The following UNC13B variants were observed in gnomAD, a reference collection of about 807,000 sequenced individuals.
UNC13B encodes the protein unc-13 homolog B.
In UNC13B, 144 loss-of-function variants were observed where a neutral mutation model predicts 211.0. The observed-to-expected ratio is 0.68, with a 90% CI of 0.60 to 0.78. The LOEUF is 0.78. Ranked by LOEUF, UNC13B falls within the 30% of genes least tolerant of loss-of-function variation. The probability of loss-of-function intolerance (pLI) is 0.00; values close to 1 mark genes in which losing one functional copy is unlikely to be tolerated. For synonymous variants in UNC13B, 709 were observed against 725.8 expected, an observed-to-expected ratio of 0.98 and a Z score of 0.37; for missense variants, 1,777 against 2,002.0, an observed-to-expected ratio of 0.89 and a Z score of 2.14.
chr9:35,175,655 G>C (rs1396462826), intron 1 of UNC13B, among the ~76,000 whole-genome samples: 1 of 152,142 alleles, frequency 6.6e-6, no homozygotes, highest in Admixed American at 6.5e-5. Flanking sequence ...TATTTGGGCA[G>C]TAAAGAAGTG....
intron 11 of UNC13B, among the ~76,000 whole-genome samples, chr9:35,348,002 C>T (rs1268559852): frequency 3.3e-5 from 5 of 152,072 alleles, no homozygotes; most frequent in East Asian, 1.9e-4. Flanking sequence ...CTTTGGGAGG[C>T]GAGATGGGCG....
At chr9:35,375,814 C>G (rs1399676968) in intron 14 of UNC13B, among the ~76,000 whole-genome samples, 1 of 152,158 alleles carries the variant, frequency 6.6e-6, no homozygotes, top group African/African-American at 2.4e-5. Context: ...AACCCTGTCT[C>G]TACTAAAAAT....
At position 35,307,119 on chromosome 9, in the gene UNC13B, T is replaced by C; in HGVS notation, c.7715T>C (p.Val2572Ala). 1 of 399,034 alleles carries C rather than the reference T, an allele frequency of 2.5e-6. No homozygotes were observed. 24.7% of individuals were successfully genotyped at this position (399,034 alleles called of 1,614,324 possible). Residue 2572 changes from valine (V) to alanine (A), a missense_variant, in exon 9 of 40, where the codon GTT becomes GCT. Val to Ala is a moderately conservative substitution (Grantham distance 64, BLOSUM62 0). Transcript: ENST00000635942. The part of the protein sequence containing the change: ...STLSDCRMTV[V>A]SAKPESDILT... Reference sequence around the variant, plus strand: ...CTCAGTGACTGTAGAATGACTGTGGTTAGTGCAAAGCCAGAATCAGATATC... The same window carrying C: ...CTCAGTGACTGTAGAATGACTGTGGCTAGTGCAAAGCCAGAATCAGATATC...
chr9:35,273,621 G>C (rs542081494), intron 7 of UNC13B, among the ~76,000 whole-genome samples: 1 of 152,264 alleles, frequency 6.6e-6, no homozygotes, highest in African/African-American at 2.4e-5. Context: ...GGGTCATTCT[G>C]TATATGTAAC....
At chr9:35,389,807 C>A (rs988828916) in intron 24 of UNC13B, 39 bp from the exon 25 acceptor site, 1 of 1,610,232 alleles carries the variant, frequency 6.2e-7, no homozygotes. Flanking sequence ...TCTACTCTGA[C>A]TCTTTCTCCC....
In UNC13B at chr9:35,378,668, C is replaced by A. The variant is rs150222145; in HGVS notation, c.10205+232C>A. ...GTCTTCACCAGGGCTATTAAAGGGGCCCTAGGGCACCCCATCCTGCTTTTT... is the reference window on the plus strand; with the variant it reads ...GTCTTCACCAGGGCTATTAAAGGGGACCTAGGGCACCCCATCCTGCTTTTT... On this transcript the variant is annotated intron_variant, in intron 17 of 39. Transcript: ENST00000635942. Among the ~76,000 whole-genome samples, 470 of 152,238 alleles carry A rather than the reference C, an allele frequency of 3.1e-3. 1 individual carries two copies. The highest frequency in any genetic ancestry group is 0.011 in the African/African-American group (441 of 41,538).
chr9:35,206,872 C>CA (rs35378310), intron 1 of UNC13B, among the ~76,000 whole-genome samples: 3,359 of 113,010 alleles, frequency 0.03, 132 homozygotes, highest in African/African-American at 0.099. Context: ...GACTCCATCT[C>CA]AAAAAAAAAA....
chr9:35,298,622 C>T (rs1829515994), intron 8 of UNC13B, among the ~76,000 whole-genome samples: 1 of 152,138 alleles, frequency 6.6e-6, no homozygotes, highest in Non-Finnish European at 1.5e-5. Context: ...ACCTGGCCTT[C>T]TGGAAGATTT....
intron 1 of UNC13B, among the ~76,000 whole-genome samples, chr9:35,225,735 G>A (rs1587411664): frequency 6.6e-6 from 1 of 152,124 alleles, no homozygotes; most frequent in South Asian, 2.1e-4. Flanking sequence ...GGACTGATAT[G>A]CCAGATGGGC....
intron 11 of UNC13B, chr9:35,342,101 TG>T: frequency 1.0e-6 from 1 of 985,402 alleles, no homozygotes; most frequent in Non-Finnish European, 1.2e-6. Flanking sequence ...TCATCAACTT[TG>T]TGCCGTGGAG....
intron 6 of UNC13B, among the ~76,000 whole-genome samples, chr9:35,256,638 A>G (rs1194717289): frequency 6.6e-6 from 1 of 152,104 alleles, no homozygotes; most frequent in Non-Finnish European, 1.5e-5. Flanking sequence ...ATATGAGTAG[A>G]TTTTCAGATA....
At chr9:35,342,258 C>G (rs1480433411) in intron 11 of UNC13B, 2 of 985,644 alleles carry the variant, frequency 2.0e-6, no homozygotes, top group Admixed American at 6.2e-5. Context: ...CTCTTAAAGA[C>G]AGCATTTGCC....
chr9:35,375,064 C>T, intron 13 of UNC13B, 63 bp from the exon 14 acceptor site: 14 of 1,579,102 alleles, frequency 8.9e-6, no homozygotes, highest in Non-Finnish European at 1.1e-5. Flanking sequence ...ACTGAAGCTC[C>T]CTCCCCCAGA....
Position 35,228,010 on chromosome 9 carries a change from T to C in UNC13B, c.23-5T>C. 6.2e-7 allele frequency: 1 copy of C among 1,612,026 alleles called. No homozygotes were observed. The highest frequency in any genetic ancestry group is 1.3e-5 in the African/African-American group (1 of 74,968). ...CTTCATGGTATCCTCTTTTTTCTCT[T>C]GCAGTTAAAAGGGCCAAATTCCAGG... On this transcript the variant is annotated splice_polypyrimidine_tract_variant and splice_region_variant and intron_variant, in intron 1 of 39. Transcript: ENST00000635942.
chr9:35,355,633 G>A (rs1373806666), intron 11 of UNC13B, among the ~76,000 whole-genome samples: 1 of 152,096 alleles, frequency 6.6e-6, no homozygotes, highest in Non-Finnish European at 1.5e-5. Flanking sequence ...ATATATACAT[G>A]CTTCCTTCTA....
intron 7 of UNC13B, among the ~76,000 whole-genome samples, chr9:35,269,557 G>A (rs906527292): frequency 2.6e-5 from 4 of 152,156 alleles, no homozygotes; most frequent in African/African-American, 4.8e-5. Flanking sequence ...TTTTCTCCCT[G>A]GAGTTTGTGG....
intron 31 of UNC13B, 93 bp downstream of exon 31, chr9:35,398,381 C>T: frequency 1.4e-6 from 2 of 1,469,484 alleles, no homozygotes; most frequent in East Asian, 2.3e-5. Context: ...AGGTGTAGGC[C>T]AGGAATTTAG....
rs755666805 is a variant in UNC13B at position 35,370,288 on chromosome 9, C to T, written c.9462-30C>T. 1.5e-4 allele frequency: 240 copies of T among 1,603,840 alleles called. 2 individuals carry two copies. The South Asian group carries it at 2.2e-3, about 15-fold the overall frequency. ...ACCAGCTAACTCAAAGCAAGACTGA[C>T]GGTCCTGACATATTTTCTTCTCTCC... On this transcript the variant is annotated intron_variant, in intron 12 of 39. Coordinates refer to ENST00000635942, the MANE Select transcript of UNC13B (RefSeq NM_001371189.2).
At chr9:35,252,624 T>C (rs1826567949) in intron 6 of UNC13B, among the ~76,000 whole-genome samples, 1 of 151,854 alleles carries the variant, frequency 6.6e-6, no homozygotes, top group Admixed American at 6.6e-5. Context: ...CTAATTATAT[T>C]ATCCCTTCAG....
Sources: allele counts gnomAD v4.1 joint callset (sites outside exome capture counted in the v4.1 genomes callset), GRCh38; gene constraint gnomAD v4.1.1; transcripts MANE v1.5; gene names NCBI Gene and HGNC (gene_info 2026-07-23, HGNC 2026-07-21).